PLSCR2: variants seen among roughly 807,000 people sequenced by gnomAD.
PLSCR2 encodes the protein PL scramblase 2.
A neutral mutation model predicts 25.3 loss-of-function variants in PLSCR2; 18 were observed. The ratio of observed to expected loss-of-function variants is 0.71; its 90% CI spans 0.49 to 1.06. The LOEUF (loss-of-function observed/expected upper bound fraction) is 1.06. Among genes scored for constraint, PLSCR2 ranks in the 50% least tolerant of loss-of-function variants. The probability of loss-of-function intolerance (pLI) is 0.00; values close to 1 mark genes in which losing one functional copy is unlikely to be tolerated. For missense variants in PLSCR2, 243 were observed against 269.5 expected, an observed-to-expected ratio of 0.90 and a Z score of 0.69; for synonymous variants, 88 against 87.3, an observed-to-expected ratio of 1.01 and a Z score of -0.04.
chr3:146,404,708 C>T (rs917052974), intron 2 of PLSCR2, among the ~76,000 whole-genome samples: 2 of 151,138 alleles, frequency 1.3e-5, no homozygotes, highest in African/African-American at 4.9e-5. Flanking sequence ...AGGCAAATTC[C>T]TTTCCAGCTA....
upstream of PLSCR2, chr3:146,464,062 A>G (rs1312962558): frequency 1.4e-6 from 1 of 731,610 alleles, no homozygotes; most frequent in Non-Finnish European, 1.7e-6. Flanking sequence ...GAACAATCGG[A>G]ATCCAGTTTG....
chr3:146,411,674 G>A (rs1379555279), intron 2 of PLSCR2, among the ~76,000 whole-genome samples: 1 of 152,194 alleles, frequency 6.6e-6, no homozygotes, highest in Non-Finnish European at 1.5e-5. Flanking sequence ...TTAGCCGGCG[G>A]CCAAGAGACA....
At chr3:146,456,176 C>A (rs987971248) in intron 3 of PLSCR2, among the ~76,000 whole-genome samples, 3 of 152,200 alleles carry the variant, frequency 2.0e-5, no homozygotes, top group Non-Finnish European at 4.4e-5. Context: ...CTAACCTCTT[C>A]ATGAGGAAAA....
chr3:146,441,895 T>C (rs954540915), intron 6 of PLSCR2, 74 bp from the exon 7 acceptor site: 16 of 919,564 alleles, frequency 1.7e-5, no homozygotes, highest in Non-Finnish European at 2.8e-5. Flanking sequence ...TGCTAAGGGA[T>C]CTGATGAAAC....
intron 1 of PLSCR2, among the ~76,000 whole-genome samples, chr3:146,471,491 A>G (rs2042117479): frequency 6.7e-6 from 1 of 150,044 alleles, no homozygotes; most frequent in Admixed American, 6.6e-5. Flanking sequence ...TTGTTGTTGG[A>G]TTGGGATTTT....
intron 2 of PLSCR2, among the ~76,000 whole-genome samples, chr3:146,423,279 C>CTG (rs2039221518): frequency 7.4e-6 from 1 of 135,406 alleles, no homozygotes; most frequent in Admixed American, 7.4e-5. Flanking sequence ...CTCTCTCTCT[C>CTG]TCTCCCTGGC....
chr3:146,407,382 A>T (rs898061487), intron 2 of PLSCR2, among the ~76,000 whole-genome samples: 1 of 148,804 alleles, frequency 6.7e-6, no homozygotes, highest in Non-Finnish European at 1.5e-5. Flanking sequence ...GTCTATCCGG[A>T]GAAGATGTCC....
upstream of PLSCR2, among the ~76,000 whole-genome samples, chr3:146,464,880 A>G (rs1446561451): frequency 6.6e-6 from 1 of 152,228 alleles, no homozygotes; most frequent in Non-Finnish European, 1.5e-5. Flanking sequence ...TTCTGACTTC[A>G]TAATTTATAT....
upstream of PLSCR2, among the ~76,000 whole-genome samples, chr3:146,461,348 A>G (rs2041560272): frequency 6.6e-6 from 1 of 152,212 alleles, no homozygotes; most frequent in Non-Finnish European, 1.5e-5. Flanking sequence ...AATGCACTGT[A>G]AATATAGCTT....
intron 3 of PLSCR2, among the ~76,000 whole-genome samples, chr3:146,394,392 C>T (rs567999038): frequency 1.1e-4 from 17 of 152,050 alleles, no homozygotes; most frequent in South Asian, 1.0e-3. Context: ...CTCAGCCTCC[C>T]GAGTAGCTCA....
At chr3:146,492,131 G>T (rs1235135077) in intron 1 of PLSCR2, among the ~76,000 whole-genome samples, 1 of 152,100 alleles carries the variant, frequency 6.6e-6, no homozygotes, top group Admixed American at 6.5e-5. Context: ...TCAGCTGTAT[G>T]TTCCGACCCT....
intron 1 of PLSCR2, among the ~76,000 whole-genome samples, chr3:146,470,175 C>T (rs780763835): frequency 1.3e-5 from 2 of 152,058 alleles, no homozygotes; most frequent in Non-Finnish European, 2.9e-5. Flanking sequence ...TTTTTCAGGA[C>T]GCGCCTTTGA....
At chr3:146,403,047 A>C (rs539631348) in intron 2 of PLSCR2, among the ~76,000 whole-genome samples, 1 of 152,222 alleles carries the variant, frequency 6.6e-6, no homozygotes, top group Non-Finnish European at 1.5e-5. Context: ...AAAATAATTT[A>C]TTCTTCCAGC....
chr3:146,495,769 G>A (rs780180074), intron 1 of PLSCR2: 9 of 675,528 alleles, frequency 1.3e-5, no homozygotes, highest in Admixed American at 2.6e-5. Context: ...CCTAGTATGA[G>A]TTTAAGGTCC....
At chr3:146,459,486 T>C (rs945197270) in intron 2 of PLSCR2, among the ~76,000 whole-genome samples, 1 of 152,186 alleles carries the variant, frequency 6.6e-6, no homozygotes, top group African/African-American at 2.4e-5. Context: ...TGTAGAGTAG[T>C]GATGATTACA....
intron 6 of PLSCR2, among the ~76,000 whole-genome samples, chr3:146,448,730 A>C (rs2040711920): frequency 6.6e-6 from 1 of 152,246 alleles, no homozygotes; most frequent in Non-Finnish European, 1.5e-5. Flanking sequence ...ATATACATTC[A>C]GAATCACTGC....
chr3:146,393,188 C>A (rs1272743894), intron 3 of PLSCR2, among the ~76,000 whole-genome samples: 5 of 111,694 alleles, frequency 4.5e-5, no homozygotes, highest in African/African-American at 1.1e-4. Context: ...ACCACCACGC[C>A]CAACTAATTT....
intron 2 of PLSCR2, among the ~76,000 whole-genome samples, chr3:146,424,678 A>C (rs182634842): frequency 7.2e-4 from 109 of 152,252 alleles, no homozygotes; most frequent in Non-Finnish European, 1.2e-3. Context: ...TAAACAATTC[A>C]TAAGTTTTAA....
intron 1 of PLSCR2, among the ~76,000 whole-genome samples, chr3:146,470,893 T>C (rs889647279): frequency 6.6e-6 from 1 of 152,240 alleles, no homozygotes; most frequent in Non-Finnish European, 1.5e-5. Context: ...ATGAGAGTAG[T>C]AATGGTATCT....
Sources: gnomAD v4.1 joint callset for allele counts (sites outside exome capture counted in the v4.1 genomes callset) on GRCh38, gnomAD v4.1.1 for gene constraint, MANE v1.5 for transcripts, NCBI Gene and HGNC (gene_info 2026-07-23, HGNC 2026-07-21) for gene names.